MAST4: variants seen among roughly 807,000 people sequenced by gnomAD.
MAST4 encodes the protein microtubule associated serine/threonine kinase family member 4.
In MAST4, 89 loss-of-function variants were observed where a neutral mutation model predicts 162.7. The observed-to-expected ratio is 0.55, with a 90% CI of 0.46 to 0.65. The LOEUF (loss-of-function observed/expected upper bound fraction) is 0.65. Among genes scored for constraint, MAST4 ranks in the 30% least tolerant of loss-of-function variants. The pLI is 0.00. For synonymous variants in MAST4, 1,479 were observed against 1,361.1 expected (o/e 1.09, Z -1.91); for missense variants, 3,153 against 3,374.0 (o/e 0.93, Z 1.62).
intron 5 of MAST4, among the ~76,000 whole-genome samples, chr5:67,064,657 A>G (rs1002964796): frequency 1.3e-5 from 2 of 152,230 alleles, no homozygotes; most frequent in Non-Finnish European, 2.9e-5. Flanking sequence ...TTGCCTTTCA[A>G]ACTCTTCCAT....
chr5:66,747,639 A>G (rs1691263900), intron 1 of MAST4, among the ~76,000 whole-genome samples: 2 of 152,218 alleles, frequency 1.3e-5, no homozygotes, highest in Non-Finnish European at 2.9e-5. Flanking sequence ...AAAAGCTTTT[A>G]GGATGACCTA....
chr5:67,086,150 C>T (rs1414739331), intron 5 of MAST4, among the ~76,000 whole-genome samples: 1 of 152,184 alleles, frequency 6.6e-6, no homozygotes, highest in African/African-American at 2.4e-5. Flanking sequence ...GGGGCTTACT[C>T]TTTGATCCAC....
intron 3 of MAST4, among the ~76,000 whole-genome samples, chr5:66,822,304 A>G (rs1757034110): frequency 6.6e-6 from 1 of 152,120 alleles, no homozygotes; most frequent in Non-Finnish European, 1.5e-5. Flanking sequence ...TTTCACCTAA[A>G]AGGAAAGAGA....
rs1774103543 is a variant in MAST4 at position 67,166,958 on chromosome 5, C to T, written c.7779C>T (p.Arg2593=). The change falls in exon 29 of 29, where the codon CGC becomes CGT. Residue 2593 remains arginine, a synonymous_variant. Coordinates refer to ENST00000403625, the MANE Select transcript of MAST4 (RefSeq NM_001164664.2). ...TKPSPAPNTD[R]PISLSNEKDF... is the part of the protein sequence containing the mutation. ...CATCCCCAGCCCCAAACACTGACCGCCCCATCTCTCTTTCTAATGAGAAGG... is the reference window on the plus strand; with the variant it reads ...CATCCCCAGCCCCAAACACTGACCGTCCCATCTCTCTTTCTAATGAGAAGG... The T allele has an allele frequency of 1.9e-6, 3 of 1,612,674 alleles. No homozygotes were observed. Among genetic ancestry groups the T allele is most frequent in the East Asian group, 2.2e-5 (1 of 44,866 alleles).
At chr5:67,074,599 TA>T (rs138852594) in intron 5 of MAST4, among the ~76,000 whole-genome samples, 4,731 of 152,256 alleles carry the variant, frequency 0.031, 158 homozygotes, top group East Asian at 0.17. Flanking sequence ...TATAATGGAA[TA>T]ATTTGTAGCC....
intron 1 of MAST4, among the ~76,000 whole-genome samples, chr5:66,632,626 CTTAAG>C (rs1744859797): frequency 1.3e-5 from 2 of 152,158 alleles, no homozygotes; most frequent in Non-Finnish European, 1.5e-5. Flanking sequence ...AGTTCTACTG[CTTAAG>C]TTATTTTGAT....
rs773014814 is a variant in MAST4, at chr5:66,718,164, GTTTTTTTTTCT to G, written c.364-41524_364-41514del. Among the ~76,000 whole-genome samples, 922 of 147,236 alleles carry G rather than the reference GTTTTTTTTTCT, an allele frequency of 6.3e-3. 3 individuals carry two copies. The highest frequency in any genetic ancestry group is 0.037 in the South Asian group (169 of 4,624). On this transcript the variant is annotated intron_variant, in intron 1 of 28. Coordinates refer to ENST00000403625, the MANE Select transcript of MAST4 (RefSeq NM_001164664.2). ...GACTATATATATTTAAAACCAGTGGGTTTTTTTTTCTTTTTTTTTTCTTTTTTTTTTGCTTT... is the reference window on the plus strand; with the variant it reads ...GACTATATATATTTAAAACCAGTGGGTTTTTTTTTCTTTTTTTTTTGCTTT...
chr5:67,061,401 TTTTG>T (rs1364273314), intron 5 of MAST4, among the ~76,000 whole-genome samples: 2 of 152,244 alleles, frequency 1.3e-5, no homozygotes, highest in Non-Finnish European at 2.9e-5. Flanking sequence ...GGTCCCTCTC[TTTTG>T]TTTAATTTTT....
In MAST4 at chr5:66,772,155, C is replaced by A. The variant is rs554657255; in HGVS notation, c.517+12293C>A. Among the ~76,000 whole-genome samples, 6 of 152,292 alleles carry A rather than the reference C, an allele frequency of 3.9e-5. No homozygotes were observed. In the East Asian group the frequency reaches 9.6e-4, roughly 24 times the overall value. On this transcript the variant is annotated intron_variant, in intron 2 of 28. Transcript: ENST00000403625. Reference sequence around the variant, plus strand: ...AATTAGTATGAACTAGGAAATCTCACACTTCATGTCCTTGAGGTACTGGGG... The same window carrying A: ...AATTAGTATGAACTAGGAAATCTCAAACTTCATGTCCTTGAGGTACTGGGG...
intron 4 of MAST4, among the ~76,000 whole-genome samples, chr5:66,934,381 C>G (rs1337712407): frequency 6.6e-6 from 1 of 151,984 alleles, no homozygotes; most frequent in Non-Finnish European, 1.5e-5. Flanking sequence ...GACCACTGAT[C>G]TTTTCTCATT....
chr5:67,153,689 A>G (rs1199578546), intron 26 of MAST4, 109 bp downstream of exon 26: 1 of 1,013,882 alleles, frequency 9.9e-7, no homozygotes, highest in African/African-American at 1.7e-5. Flanking sequence ...TTACTGAGAA[A>G]GTATTCATTA....
intron 3 of MAST4, among the ~76,000 whole-genome samples, chr5:66,794,275 C>T (rs906325538): frequency 4.6e-5 from 7 of 152,144 alleles, no homozygotes; most frequent in Admixed American, 1.3e-4. Context: ...CTGAGCTCAA[C>T]TCCAGCTTCT....
intron 3 of MAST4, among the ~76,000 whole-genome samples, chr5:66,808,462 A>T (rs1276751991): frequency 6.6e-6 from 1 of 152,240 alleles, no homozygotes; most frequent in African/African-American, 2.4e-5. Context: ...TTATATTTAA[A>T]GATAATGCAG....
At chr5:66,920,196 T>C (rs2150043422) in intron 4 of MAST4, among the ~76,000 whole-genome samples, 1 of 152,256 alleles carries the variant, frequency 6.6e-6, no homozygotes, top group East Asian at 1.9e-4. Context: ...ATACAAACTA[T>C]GCTAAATAAA....
chr5:66,795,197 A>T (rs1346643339), intron 3 of MAST4, among the ~76,000 whole-genome samples: 1 of 152,192 alleles, frequency 6.6e-6, no homozygotes, highest in African/African-American at 2.4e-5. Flanking sequence ...TGCTTAACCA[A>T]AGTTGTAGAA....
At chr5:66,963,868 A>G (rs781677356) in intron 4 of MAST4, 44 of 773,694 alleles carry the variant, frequency 5.7e-5, no homozygotes, top group Non-Finnish European at 3.4e-5. Flanking sequence ...TGATTACTTC[A>G]GACTCTGCAA....
intron 5 of MAST4, among the ~76,000 whole-genome samples, chr5:67,065,420 GAC>G (rs1760115191): frequency 6.6e-6 from 1 of 152,190 alleles, no homozygotes; most frequent in Non-Finnish European, 1.5e-5. Flanking sequence ...TGTAAATAGA[GAC>G]TGTCTTCCTC....
intron 1 of MAST4, among the ~76,000 whole-genome samples, chr5:66,719,318 G>A (rs368446856): frequency 6.6e-6 from 1 of 151,842 alleles, no homozygotes; most frequent in African/African-American, 2.4e-5. Flanking sequence ...TTTCCCTTAC[G>A]AATCTTCTTC....
rs1755377358 is a variant in MAST4, at chr5:66,791,026, TTTTG to T, written c.642+2240_642+2243del. 4.6e-5 allele frequency among the ~76,000 whole-genome samples: 7 copies of T among 152,272 alleles called. No homozygotes were observed. The South Asian group carries it at 1.5e-3, about 32-fold the overall frequency. The stretch of plus-strand genomic sequence containing the variant: ...TGTTTTCTTAAGTAATATATCTTCT[TTTTG>T]TTTGTTTTTTGAGATGGAGTTTCGC... On this transcript the variant is annotated intron_variant, in intron 3 of 28. Coordinates refer to ENST00000403625, the MANE Select transcript of MAST4 (RefSeq NM_001164664.2).
Sources: gnomAD v4.1 joint callset for allele counts (sites outside exome capture counted in the v4.1 genomes callset) on GRCh38, gnomAD v4.1.1 for gene constraint, MANE v1.5 for transcripts, NCBI Gene and HGNC (gene_info 2026-07-23, HGNC 2026-07-21) for gene names.